ARL13A: variants seen among roughly 807,000 people sequenced by gnomAD.
The protein encoded by ARL13A is ADP-ribosylation factor-like protein 13A.
Under a neutral mutation model 19.1 loss-of-function variants are expected in ARL13A, and 16 were observed. The observed-to-expected ratio is 0.84, with a 90% CI of 0.57 to 1.27. ARL13A has a LOEUF of 1.27. Ranked by LOEUF, ARL13A falls within the 50% of genes most tolerant of loss-of-function variation. The pLI is 0.00. For missense variants in ARL13A, 153 were observed against 186.4 expected, an observed-to-expected ratio of 0.82 and a Z score of 1.04; for synonymous variants, 69 against 71.3, an observed-to-expected ratio of 0.97 and a Z score of 0.17.
chrX:100,981,464 T>A (rs1339649891), intron 3 of ARL13A, among the ~76,000 whole-genome samples: 1 of 109,710 alleles, frequency 9.1e-6, no homozygotes, highest in Non-Finnish European at 1.9e-5. Flanking sequence ...TGCTGGTGAT[T>A]CAAGACTCTT....
chrX:100,988,069 C>T, intron 6 of ARL13A, 124 bp from the exon 7 acceptor site: 5 of 513,116 alleles, frequency 9.7e-6, no homozygotes, highest in Non-Finnish European at 1.6e-5. Flanking sequence ...TAAACATCCT[C>T]TTGCTCTGTT....
chrX:100,977,930 C>CA, intron 3 of ARL13A, among the ~76,000 whole-genome samples: 1 of 111,942 alleles, frequency 8.9e-6, no homozygotes, highest in South Asian at 3.8e-4. Flanking sequence ...AGGTTGCTTC[C>CA]AAATCTGGGC....
intron 1 of ARL13A, among the ~76,000 whole-genome samples, 182 bp from the exon 2 acceptor site, chrX:100,973,494 G>C (rs1355584014): frequency 9.0e-6 from 1 of 110,670 alleles, no homozygotes; most frequent in East Asian, 2.9e-4. Flanking sequence ...CCTCCCGGCG[G>C]TCGGGCGGCG....
Position 100,990,543 on chromosome X carries a change from C to T in ARL13A, c.745-19C>T. On this transcript the variant is annotated intron_variant, in intron 7 of 7. Transcript: ENST00000450049. The stretch of plus-strand genomic sequence containing the variant: ...ACATCCCTGAGAACCCCTGTTGTTC[C>T]TGTATATCTATATTCTAGCCATCAA... 1 of 1,132,194 alleles carries T rather than the reference C, an allele frequency of 8.8e-7. No homozygotes were observed. The highest frequency in any genetic ancestry group is 1.2e-6 in the Non-Finnish European group (1 of 857,009). 93.3% of individuals were successfully genotyped at this position (1,132,194 alleles called of 1,213,427 possible). A position where few individuals can be genotyped will look rare whatever the true frequency, so the allele number is the denominator to read the frequency against.
In ARL13A at chrX:100,974,127, G is replaced by C; in HGVS notation, c.60G>C (p.Arg20Ser). The C allele has an allele frequency of 8.4e-7, 1 of 1,186,108 alleles. No individual in the cohort carries two copies. Among genetic ancestry groups the C allele is most frequent in the East Asian group, 3.0e-5 (1 of 33,017 alleles). The change falls in exon 3 of 8, where the codon AGG becomes AGC. Residue 20 changes from arginine to serine, a missense_variant and splice_region_variant. Physicochemically the swap from Arg to Ser is moderately radical, Grantham distance 110. Transcript: ENST00000450049. ...SCLRTTEETR[R>S]NVTIPIIGLN... ...GCTCATTTTTCTTTTTCATTTCTAG[G>C]AATGTGACCATCCCTATCATTGGCT...
intron 3 of ARL13A, among the ~76,000 whole-genome samples, chrX:100,982,862 T>C (rs1434254742): frequency 1.8e-5 from 2 of 110,317 alleles, no homozygotes; most frequent in Non-Finnish European, 3.8e-5. Flanking sequence ...CAATCAGGCA[T>C]GGGTTTCATG....
rs371529767 is a variant in ARL13A, at chrX:100,987,405, A to G, written c.502A>G (p.Ile168Val). Residue 168 changes from isoleucine to valine, a missense_variant, in exon 6 of 8, where the codon ATC (isoleucine) becomes GTC (valine). Physicochemically the swap from Ile to Val is conservative, Grantham distance 29. Coordinates refer to ENST00000450049, the MANE Select transcript of ARL13A (RefSeq NM_001162491.2). ...CPCRVEPCSA[I>V]RNLERRNHQP... is the part of the protein sequence containing the mutation. Reference sequence around the variant, plus strand: ...TTTGTCACAGGAGCCATGTTCAGCCATCAGAAACCTTGAAAGAAGAAACCA... The same window carrying G: ...TTTGTCACAGGAGCCATGTTCAGCCGTCAGAAACCTTGAAAGAAGAAACCA... 52 of 1,208,820 alleles carry G rather than the reference A, an allele frequency of 4.3e-5. No individual in the cohort carries two copies. The African/African-American group carries it at 8.6e-4, about 20-fold the overall frequency.
intron 3 of ARL13A, among the ~76,000 whole-genome samples, chrX:100,976,937 G>C (rs773263680): frequency 8.9e-6 from 1 of 112,634 alleles, no homozygotes; most frequent in East Asian, 2.8e-4. Context: ...AATTGCCTAG[G>C]AAGGAAATGC....
intron 3 of ARL13A, among the ~76,000 whole-genome samples, chrX:100,975,631 C>CTTTT (rs375014043): frequency 1.0e-5 from 1 of 97,932 alleles, no homozygotes; most frequent in Non-Finnish European, 2.1e-5. Flanking sequence ...ATTTTCTTTG[C>CTTTT]TTTTTTTTTT....
At chrX:100,988,685 C>T (rs969750151) in intron 7 of ARL13A, 13 of 447,508 alleles carry the variant, frequency 2.9e-5, no homozygotes, top group African/African-American at 5.4e-5. Context: ...AGGAGAAAAG[C>T]ACCTTCCTGT....
chrX:100,984,303 C>CT (rs2085907193), intron 3 of ARL13A, among the ~76,000 whole-genome samples: 1 of 102,584 alleles, frequency 9.7e-6, no homozygotes, highest in East Asian at 3.1e-4. Context: ...TTTTTTTTTT[C>CT]TTTTTTTGTA....
intron 4 of ARL13A, 85 bp downstream of exon 4, chrX:100,986,001 G>A: frequency 9.4e-7 from 1 of 1,064,786 alleles, no homozygotes; most frequent in Non-Finnish European, 1.2e-6. Flanking sequence ...TGGTCCCTTT[G>A]TCACACCCAG....
At position 100,990,586 on chromosome X, in the gene ARL13A, T is replaced by A. The variant is rs1462955094; in HGVS notation, c.769T>A (p.Ter257ArgextTer6). 1 of 1,159,789 alleles carries A rather than the reference T, an allele frequency of 8.6e-7. No homozygotes were observed. Residue 257 changes from the stop codon to arginine, a stop_lost, in exon 8 of 8, where the codon TGA becomes AGA. Coordinates refer to ENST00000450049, the MANE Select transcript of ARL13A (RefSeq NM_001162491.2). ...LQPSNQSYTH[*>R] ...GCCATCAAATCAATCCTATACTCACTGAGAGGCTCAAGAAGAGTGAGATGG... is the reference window on the plus strand; with the variant it reads ...GCCATCAAATCAATCCTATACTCACAGAGAGGCTCAAGAAGAGTGAGATGG...
chrX:100,986,750 T>C (rs759334859), intron 4 of ARL13A, 46 bp from the exon 5 acceptor site: 2 of 962,168 alleles, frequency 2.1e-6, no homozygotes, highest in South Asian at 2.4e-5. Context: ...TCTGTTTTGG[T>C]TTCACTCTTC....
At chrX:100,978,500 G>C (rs778806603) in intron 3 of ARL13A, among the ~76,000 whole-genome samples, 1 of 110,984 alleles carries the variant, frequency 9.0e-6, no homozygotes, top group Non-Finnish European at 1.9e-5. Flanking sequence ...AATCTGTTTT[G>C]TCTGAAGTAT....
At chrX:100,987,079 A>G (rs1271107274) in intron 5 of ARL13A, among the ~76,000 whole-genome samples, 178 bp downstream of exon 5, 1 of 111,853 alleles carries the variant, frequency 8.9e-6, no homozygotes, top group Non-Finnish European at 1.9e-5. Flanking sequence ...CCTTCAAAAT[A>G]ATTCTGTAAA....
intron 3 of ARL13A, among the ~76,000 whole-genome samples, chrX:100,984,285 T>C (rs1201523778): frequency 9.2e-6 from 1 of 109,141 alleles, no homozygotes; most frequent in Non-Finnish European, 1.9e-5. Flanking sequence ...GGCTAAGTTG[T>C]TTTTTGTTTT....
intron 6 of ARL13A, among the ~76,000 whole-genome samples, 174 bp downstream of exon 6, chrX:100,987,730 A>G (rs1330030238): frequency 8.9e-6 from 1 of 111,776 alleles, no homozygotes; most frequent in East Asian, 2.8e-4. Context: ...CAACATTGTT[A>G]GGTATACCCC....
At chrX:100,972,317 C>T (rs2085666276) in intron 1 of ARL13A, among the ~76,000 whole-genome samples, 1 of 98,621 alleles carries the variant, frequency 1.0e-5, no homozygotes, top group South Asian at 5.1e-4. Flanking sequence ...CGGGCAGAGG[C>T]GCCCCTCACC....
Sources: gnomAD v4.1 joint callset for allele counts (sites outside exome capture counted in the v4.1 genomes callset) on GRCh38, gnomAD v4.1.1 for gene constraint, MANE v1.5 for transcripts, NCBI Gene and HGNC (gene_info 2026-07-23, HGNC 2026-07-21) for gene names.